Variants in PABPC4L observed in about 807,000 individuals in gnomAD.
PABPC4L encodes the protein polyadenylate-binding protein 4-like.
For synonymous variants in PABPC4L, 169 were observed against 164.1 expected, an observed-to-expected ratio of 1.03 and a Z score of -0.23; for missense variants, 452 against 451.4, an observed-to-expected ratio of 1.00 and a Z score of -0.01.
At chr4:134,117,608 A>G in the PABPC4L span, among the ~76,000 whole-genome samples, 1 of 151,816 alleles carries the variant, frequency 6.6e-6, no homozygotes, top group African/African-American at 2.4e-5. Flanking sequence ...GGGATGATTC[A>G]TTACACAGCA....
At chr4:134,053,101 T>A in the PABPC4L span, among the ~76,000 whole-genome samples, 1 of 152,064 alleles carries the variant, frequency 6.6e-6, no homozygotes, top group Non-Finnish European at 1.5e-5. Context: ...GAAATCCTAG[T>A]TGCAAATTAG....
At chr4:133,969,783 C>G in the PABPC4L span, among the ~76,000 whole-genome samples, 8 of 152,160 alleles carry the variant, frequency 5.3e-5, no homozygotes, top group Non-Finnish European at 7.3e-5. Flanking sequence ...CTCTCTCACA[C>G]ACATACGCAC....
chr4:134,107,365 T>G, the PABPC4L span, among the ~76,000 whole-genome samples: 1 of 151,564 alleles, frequency 6.6e-6, no homozygotes, highest in Non-Finnish European at 1.5e-5. Flanking sequence ...ACATTTACCT[T>G]ATTAATTTGC....
At chr4:134,058,804 C>T in the PABPC4L span, among the ~76,000 whole-genome samples, 2 of 151,918 alleles carry the variant, frequency 1.3e-5, no homozygotes, top group African/African-American at 4.8e-5. Context: ...CCAGTAAAGA[C>T]ATATAATTTT....
chr4:134,140,592 T>A, the PABPC4L span, among the ~76,000 whole-genome samples: 1 of 151,816 alleles, frequency 6.6e-6, no homozygotes, highest in Non-Finnish European at 1.5e-5. Flanking sequence ...TAGGGTGGAA[T>A]TAATGTTAGT....
At chr4:134,015,128 A>T in the PABPC4L span, among the ~76,000 whole-genome samples, 3 of 151,940 alleles carry the variant, frequency 2.0e-5, no homozygotes, top group African/African-American at 7.3e-5. Context: ...ATTAAAACCT[A>T]ATCACCCTTA....
the PABPC4L span, among the ~76,000 whole-genome samples, chr4:134,067,884 G>A: frequency 5.9e-5 from 9 of 152,136 alleles, no homozygotes; most frequent in Non-Finnish European, 1.3e-4. Flanking sequence ...ATTGTGGTCT[G>A]AGAGTGTAGT....
rs920845236 is a variant in PABPC4L at position 134,197,254 on chromosome 4, A to G, written c.*2653T>C. 2.0e-5 allele frequency: 3 copies of G among 151,746 alleles called. No individual in the cohort carries two copies. Among genetic ancestry groups the G allele is most frequent in the Admixed American group, 6.6e-5 (1 of 15,220 alleles). The allele number at this position is 151,746 out of a possible 1,614,324, so 9.4% of individuals were successfully genotyped here. On this transcript the variant is annotated 3_prime_UTR_variant, in exon 2 of 2. Transcript: ENST00000421491. ...CTGAATCAAGTATTTACCAAAATAC[A>G]TGTTATTAAAAATGGAAAAGCACAT... is the stretch of plus-strand genomic sequence containing the variant.
At chr4:134,183,505 A>G in the PABPC4L span, among the ~76,000 whole-genome samples, 24 of 151,658 alleles carry the variant, frequency 1.6e-4, no homozygotes, top group Non-Finnish European at 4.4e-5. Flanking sequence ...AACTACCAAT[A>G]AGGTACCATG....
At chr4:133,949,331 C>T in the PABPC4L span, among the ~76,000 whole-genome samples, 3 of 152,124 alleles carry the variant, frequency 2.0e-5, no homozygotes, top group Admixed American at 2.0e-4. Flanking sequence ...AGGCATCAAA[C>T]TTTAGGGTCT....
chr4:134,042,993 G>T, the PABPC4L span, among the ~76,000 whole-genome samples: 1 of 151,934 alleles, frequency 6.6e-6, no homozygotes, highest in Admixed American at 6.6e-5. Flanking sequence ...AGTAAATGAA[G>T]GTCTTTTCTT....
the PABPC4L span, among the ~76,000 whole-genome samples, chr4:133,953,126 AT>A: frequency 6.6e-6 from 1 of 152,082 alleles, no homozygotes; most frequent in African/African-American, 2.4e-5. Context: ...AGGGGATCAC[AT>A]TCTCTTCCTT....
chr4:134,160,090 G>A, the PABPC4L span, among the ~76,000 whole-genome samples: 5 of 152,072 alleles, frequency 3.3e-5, no homozygotes, highest in Non-Finnish European at 5.9e-5. Context: ...AAGTGATCCA[G>A]GACCTTGAAT....
At chr4:134,013,191 C>T in the PABPC4L span, among the ~76,000 whole-genome samples, 4 of 151,986 alleles carry the variant, frequency 2.6e-5, no homozygotes, top group Non-Finnish European at 5.9e-5. Flanking sequence ...TTCTCCTTCA[C>T]CCTTAGCGGC....
chr4:134,089,411 A>G, the PABPC4L span, among the ~76,000 whole-genome samples: 1 of 152,050 alleles, frequency 6.6e-6, no homozygotes, highest in African/African-American at 2.4e-5. Flanking sequence ...TTATCACCCA[A>G]AGTCCACAGT....
In PABPC4L at chr4:134,200,209, G is replaced by C; in HGVS notation, c.811C>G (p.Arg271Gly). The change falls in exon 2 of 2, where the codon CGA becomes GGA. Residue 271 changes from arginine to glycine, a missense_variant. Arg to Gly is a moderately radical substitution (Grantham distance 125). Coordinates refer to ENST00000421491, the MANE Select transcript of PABPC4L (RefSeq NM_001114734.2). Reference sequence around the variant, plus strand: ...AACATTTGCTTTAACTCAGCCTGTCGCTCGACTTTCTTTTGAGCCCGGCCT... The same window carrying C: ...AACATTTGCTTTAACTCAGCCTGTCCCTCGACTTTCTTTTGAGCCCGGCCT... ...FVGRAQKKVERQAELKQMFEQ... is the reference protein window; with the variant it reads ...FVGRAQKKVEGQAELKQMFEQ... 5 of 1,551,554 alleles carry C rather than the reference G, an allele frequency of 3.2e-6. No homozygotes were observed. The highest frequency in any genetic ancestry group is 4.4e-6 in the Non-Finnish European group (5 of 1,146,978).
the PABPC4L span, among the ~76,000 whole-genome samples, chr4:134,054,796 G>A: frequency 6.6e-6 from 1 of 151,732 alleles, no homozygotes; most frequent in African/African-American, 2.4e-5. Context: ...ACTCATATAG[G>A]GTATCTAGAC....
At chr4:133,970,837 C>T in the PABPC4L span, among the ~76,000 whole-genome samples, 1 of 152,244 alleles carries the variant, frequency 6.6e-6, no homozygotes, top group South Asian at 2.1e-4. Flanking sequence ...AAAGAGACTG[C>T]CATCTGTGAA....
the PABPC4L span, among the ~76,000 whole-genome samples, chr4:133,991,742 T>G: frequency 6.6e-6 from 1 of 152,254 alleles, no homozygotes; most frequent in African/African-American, 2.4e-5. Context: ...ACCTTGCCAG[T>G]TGCGTGTTAA....
Sources: allele counts gnomAD v4.1 joint callset (sites outside exome capture counted in the v4.1 genomes callset), GRCh38; gene constraint gnomAD v4.1.1; transcripts MANE v1.5; gene names NCBI Gene and HGNC (gene_info 2026-07-23, HGNC 2026-07-21).